Variants in DNAH7 observed in about 807,000 individuals in gnomAD.
The protein encoded by DNAH7 is dynein axonemal heavy chain 7.
In DNAH7, 397 loss-of-function variants were observed where a neutral mutation model predicts 444.6. The observed-to-expected ratio is 0.89, with a 90% CI of 0.82 to 0.97. The LOEUF (loss-of-function observed/expected upper bound fraction) is 0.97. Among genes scored for constraint, DNAH7 ranks in the 50% least tolerant of loss-of-function variants. The probability of loss-of-function intolerance (pLI) is 0.00; values close to 1 mark genes in which losing one functional copy is unlikely to be tolerated. For synonymous variants in DNAH7, 1,636 were observed against 1,624.4 expected, an observed-to-expected ratio of 1.01 and a Z score of -0.17; for missense variants, 4,902 against 4,800.8, an observed-to-expected ratio of 1.02 and a Z score of -0.62.
chr2:195,981,423 T>C (rs900221276), intron 15 of DNAH7, among the ~76,000 whole-genome samples: 18 of 151,594 alleles, frequency 1.2e-4, no homozygotes, highest in African/African-American at 3.9e-4. Flanking sequence ...CAAAAAGCAA[T>C]GTCAATGTCA....
At chr2:195,988,720 G>C (rs577057464) in intron 12 of DNAH7, among the ~76,000 whole-genome samples, 1 of 151,964 alleles carries the variant, frequency 6.6e-6, no homozygotes, top group African/African-American at 2.4e-5. Context: ...GCTATTTTGA[G>C]ATATATAATG....
intron 5 of DNAH7, among the ~76,000 whole-genome samples, chr2:196,041,491 G>T (rs1020483415): frequency 2.0e-5 from 3 of 151,946 alleles, no homozygotes; most frequent in Admixed American, 6.6e-5. Flanking sequence ...AATGGTGCTG[G>T]GGAAACTGGG....
chr2:196,022,764 T>A, intron 8 of DNAH7, among the ~76,000 whole-genome samples: 1 of 152,186 alleles, frequency 6.6e-6, no homozygotes, highest in African/African-American at 2.4e-5. Context: ...CTTGTATGAA[T>A]CACAAATTTT....
At chr2:195,884,904 T>G in intron 34 of DNAH7, 95 bp from the exon 35 acceptor site, 2 of 1,007,346 alleles carry the variant, frequency 2.0e-6, no homozygotes, top group Non-Finnish European at 2.9e-6. Context: ...TTAGTATCTC[T>G]GAAAGGAAAC....
chr2:195,764,874 G>GA (rs58120504), intron 61 of DNAH7, among the ~76,000 whole-genome samples: 23,570 of 141,086 alleles, frequency 0.17, 2,254 homozygotes, highest in African/African-American at 0.28. Flanking sequence ...TATAGAAATA[G>GA]AAAAAAAAAA....
intron 46 of DNAH7, among the ~76,000 whole-genome samples, chr2:195,847,849 C>A (rs1332077764): frequency 6.6e-6 from 1 of 152,146 alleles, no homozygotes. Context: ...CAGGGCATTT[C>A]AGTGCCAATA....
chr2:195,955,794 T>G (rs914942306), intron 19 of DNAH7, among the ~76,000 whole-genome samples: 12 of 152,290 alleles, frequency 7.9e-5, no homozygotes, highest in African/African-American at 2.9e-4. Flanking sequence ...ACTTTTTGCT[T>G]TTTAAAACAA....
chr2:196,012,917 T>C lies in DNAH7; in HGVS notation c.870-11A>G. On this transcript the variant is annotated splice_polypyrimidine_tract_variant and intron_variant, in intron 9 of 64. Coordinates refer to ENST00000312428, the MANE Select transcript of DNAH7 (RefSeq NM_018897.3). ...ACTAAACGTAATTTTCTGCAAAAGA[T>C]AAAAATAAACAGTAATTTAACAATG... The C allele has an allele frequency of 6.8e-7, 1 of 1,470,530 alleles. No homozygotes were observed. Among genetic ancestry groups the C allele is most frequent in the Non-Finnish European group, 9.0e-7 (1 of 1,105,968 alleles). The allele number at this position is 1,470,530 out of a possible 1,614,324, so 91.1% of individuals were successfully genotyped here. A position where few individuals can be genotyped will look rare whatever the true frequency, so the allele number is the denominator to read the frequency against.
chr2:196,031,515 C>T (rs1160286031), intron 5 of DNAH7, among the ~76,000 whole-genome samples: 11 of 152,158 alleles, frequency 7.2e-5, no homozygotes, highest in Non-Finnish European at 1.5e-4. Context: ...CCTATCGTAT[C>T]GTCAGGCTGC....
chr2:195,989,933 C>G (rs191858517), intron 12 of DNAH7, among the ~76,000 whole-genome samples: 61 of 152,264 alleles, frequency 4.0e-4, no homozygotes, highest in Admixed American at 8.5e-4. Context: ...AATTAAACCT[C>G]TTTTTTAAAT....
chr2:196,047,619 TCCTAAGTATAA>T, intron 4 of DNAH7, 120 bp from the exon 5 acceptor site: 1 of 845,854 alleles, frequency 1.2e-6, no homozygotes, highest in Non-Finnish European at 1.6e-6. Context: ...TATCAAGTAA[TCCTAAGTATAA>T]TTTTTTTTTT....
intron 15 of DNAH7, among the ~76,000 whole-genome samples, chr2:195,976,943 T>C (rs1334380552): frequency 1.3e-5 from 2 of 152,178 alleles, no homozygotes; most frequent in African/African-American, 2.4e-5. Context: ...TATCCCTTAA[T>C]GCAGACACAG....
chr2:195,748,028 T>A (rs1320807265), intron 63 of DNAH7, among the ~76,000 whole-genome samples: 4 of 152,020 alleles, frequency 2.6e-5, no homozygotes, highest in South Asian at 2.1e-4. Flanking sequence ...TCAATTAGGA[T>A]AAGAGGAAGT....
At chr2:195,761,227 CA>C (rs768666645) in intron 61 of DNAH7, among the ~76,000 whole-genome samples, 1 of 151,702 alleles carries the variant, frequency 6.6e-6, no homozygotes. Flanking sequence ...AGTCTCTTAA[CA>C]GCAGAACTAA....
Position 195,936,592 on chromosome 2 carries a change from T to A in DNAH7, c.3272+7A>T, listed in dbSNP as rs770141019. 2.6e-6 allele frequency: 4 copies of A among 1,567,292 alleles called. No homozygotes were observed. In the South Asian group the frequency reaches 5.0e-5, roughly 20 times the overall value. On this transcript the variant is annotated splice_region_variant and intron_variant, in intron 20 of 64. Coordinates refer to ENST00000312428, the MANE Select transcript of DNAH7 (RefSeq NM_018897.3). ...TTAGTCATGTATTCTACATGTAAAT[T>A]ACTTACCTAGTGGGATCTTTAGTCT... is the stretch of plus-strand genomic sequence containing the variant.
intron 10 of DNAH7, among the ~76,000 whole-genome samples, chr2:196,003,104 A>G (rs750259150): frequency 5.3e-5 from 8 of 151,842 alleles, no homozygotes; most frequent in Non-Finnish European, 1.2e-4. Flanking sequence ...AAAAGGATAG[A>G]TATAATTTTC....
intron 36 of DNAH7, among the ~76,000 whole-genome samples, chr2:195,879,620 G>GTAGACCAAAA (rs1476999911): frequency 2.0e-5 from 3 of 152,082 alleles, no homozygotes; most frequent in Admixed American, 6.5e-5. Context: ...TCTACTGAAA[G>GTAGACCAAAA]ATGAATATTT....
chr2:195,802,578 A>G (rs1696519982), intron 54 of DNAH7, among the ~76,000 whole-genome samples: 1 of 152,174 alleles, frequency 6.6e-6, no homozygotes, highest in South Asian at 2.1e-4. Flanking sequence ...CCAAGACATG[A>G]GAATCACTCA....
At chr2:195,957,558 T>C (rs752058470) in intron 18 of DNAH7, 111 bp from the exon 19 acceptor site, 50 of 566,194 alleles carry the variant, frequency 8.8e-5, no homozygotes, top group Non-Finnish European at 1.4e-4. Flanking sequence ...TGTTATACAA[T>C]TGTTATACAT....
Sources: allele counts gnomAD v4.1 joint callset (sites outside exome capture counted in the v4.1 genomes callset), GRCh38; gene constraint gnomAD v4.1.1; transcripts MANE v1.5; gene names NCBI Gene and HGNC (gene_info 2026-07-23, HGNC 2026-07-21).